The following ROR1 variants were observed in gnomAD, a reference collection of about 807,000 sequenced individuals.
The protein encoded by ROR1 is ROR family WNT receptor 1.
Under a neutral mutation model 78.8 loss-of-function variants are expected in ROR1, and 19 were observed. The observed-to-expected ratio is 0.24, with a 90% CI of 0.17 to 0.35. The LOEUF (loss-of-function observed/expected upper bound fraction) is 0.35, where lower values mean the gene tolerates loss of function less well. Ranked by LOEUF, ROR1 falls within the 10% of genes least tolerant of loss-of-function variation. ROR1 has a pLI of 1.00. For missense variants in ROR1, 917 were observed against 1,177.8 expected (o/e 0.78, Z 3.24); for synonymous variants, 386 against 433.6 (o/e 0.89, Z 1.36).
At chr1:63,932,862 G>A (rs1645765055) in intron 1 of ROR1, among the ~76,000 whole-genome samples, 1 of 152,152 alleles carries the variant, frequency 6.6e-6, no homozygotes, top group Admixed American at 6.5e-5. Flanking sequence ...CCTGGAGCTT[G>A]AAGACTGGAA....
At chr1:63,854,371 G>C (rs1374300074) in intron 1 of ROR1, among the ~76,000 whole-genome samples, 1 of 152,118 alleles carries the variant, frequency 6.6e-6, no homozygotes, top group African/African-American at 2.4e-5. Context: ...TGAAATCAAG[G>C]GAAAAACTGC....
chr1:64,099,718 A>ATGCTCATTT (rs1369846457), intron 4 of ROR1, among the ~76,000 whole-genome samples: 1 of 152,214 alleles, frequency 6.6e-6, no homozygotes, highest in Non-Finnish European at 1.5e-5. Flanking sequence ...CAAGTAACAC[A>ATGCTCATTT]TGCTCATTTT....
At chr1:64,102,232 A>G (rs1241774216) in intron 4 of ROR1, among the ~76,000 whole-genome samples, 1 of 152,200 alleles carries the variant, frequency 6.6e-6, no homozygotes. Flanking sequence ...CACAAGAAGG[A>G]GCGTGGAAAG....
In ROR1 at chr1:63,989,168, G is replaced by GT. The variant is rs1234720187; in HGVS notation, c.92-20122dup. Among the ~76,000 whole-genome samples the GT allele has an allele frequency of 1.1e-3, 163 of 142,484 alleles. 1 individual carries two copies. Among genetic ancestry groups the GT allele is most frequent in the African/African-American group, 3.5e-3 (129 of 36,932 alleles). 93.5% of individuals were successfully genotyped at this position (142,484 alleles called of 152,430 possible). A position where few individuals can be genotyped will look rare whatever the true frequency, so the allele number is the denominator to read the frequency against. ...CCAACACTTGTCATTTTCTGTTTTTGTTTTTTTTTTTTTTTAAACTCTTTA... is the reference window on the plus strand; with the variant it reads ...CCAACACTTGTCATTTTCTGTTTTTGTTTTTTTTTTTTTTTTAAACTCTTTA... On this transcript the variant is annotated intron_variant, in intron 1 of 8. Transcript: ENST00000371079.
At chr1:64,120,008 A>G (rs564408941) in intron 4 of ROR1, among the ~76,000 whole-genome samples, 12 of 152,294 alleles carry the variant, frequency 7.9e-5, no homozygotes, top group African/African-American at 2.9e-4. Flanking sequence ...AAATGTGTGT[A>G]TTGTGGCAGT....
At chr1:64,037,453 A>G (rs1646711542) in intron 2 of ROR1, among the ~76,000 whole-genome samples, 1 of 152,152 alleles carries the variant, frequency 6.6e-6, no homozygotes, top group South Asian at 2.1e-4. Flanking sequence ...TTTGCTAACT[A>G]TGGACTTTAG....
chr1:64,120,919 T>C (rs754678064), intron 4 of ROR1, among the ~76,000 whole-genome samples: 17 of 152,124 alleles, frequency 1.1e-4, no homozygotes, highest in Non-Finnish European at 1.9e-4. Context: ...GAAGGGTATC[T>C]CTGTTCCCAG....
intron 1 of ROR1, among the ~76,000 whole-genome samples, chr1:63,918,730 A>C (rs1316330075): frequency 6.6e-6 from 1 of 151,980 alleles, no homozygotes. Context: ...ACCGTTAGGG[A>C]GTTTGTGTAA....
chr1:63,815,156 A>AC (rs1644883065), intron 1 of ROR1, among the ~76,000 whole-genome samples: 1 of 152,048 alleles, frequency 6.6e-6, no homozygotes, highest in Admixed American at 6.5e-5. Flanking sequence ...AGGCTACCTG[A>AC]CCCTCCCTCA....
At chr1:64,009,441 T>A (rs779676696) in intron 2 of ROR1, 65 bp downstream of exon 2, 66 of 1,224,780 alleles carry the variant, frequency 5.4e-5, no homozygotes, top group Admixed American at 2.7e-4. Context: ...AATCCTGGCA[T>A]GACCTTCTTT....
chr1:64,018,240 G>A (rs139377938), intron 2 of ROR1, among the ~76,000 whole-genome samples: 176 of 152,232 alleles, frequency 1.2e-3, no homozygotes, highest in African/African-American at 4.2e-3. Flanking sequence ...CTAAAGGGAG[G>A]GGAAACGGAG....
intron 2 of ROR1, 84 bp from the exon 3 acceptor site, chr1:64,049,607 A>G: frequency 1.6e-6 from 2 of 1,222,420 alleles, no homozygotes; most frequent in Non-Finnish European, 2.3e-6. Context: ...TGTGATCCCA[A>G]GGGTACACTG....
intron 1 of ROR1, among the ~76,000 whole-genome samples, chr1:63,881,186 A>G (rs1645320697): frequency 1.3e-5 from 2 of 152,218 alleles, no homozygotes; most frequent in African/African-American, 2.4e-5. Flanking sequence ...GGCTATCTTT[A>G]TCAACACTAG....
chr1:64,109,746 T>C (rs1648004007), intron 4 of ROR1, among the ~76,000 whole-genome samples: 1 of 152,062 alleles, frequency 6.6e-6, no homozygotes, highest in African/African-American at 2.4e-5. Context: ...CCTAGACTGG[T>C]CTCAAACTCG....
chr1:63,826,100 T>G (rs1208670297), intron 1 of ROR1, among the ~76,000 whole-genome samples: 1 of 152,208 alleles, frequency 6.6e-6, no homozygotes, highest in African/African-American at 2.4e-5. Flanking sequence ...ATTTTTATTT[T>G]TTAGCTTTTA....
intron 4 of ROR1, among the ~76,000 whole-genome samples, chr1:64,118,038 A>C (rs1019969029): frequency 6.6e-6 from 1 of 151,912 alleles, no homozygotes; most frequent in African/African-American, 2.4e-5. Flanking sequence ...TTTTCTCTAC[A>C]GAAAAAACAC....
intron 6 of ROR1, 103 bp from the exon 7 acceptor site, chr1:64,142,302 A>C: frequency 6.6e-7 from 1 of 1,513,606 alleles, no homozygotes; most frequent in Non-Finnish European, 8.8e-7. Flanking sequence ...TGTGGCCACG[A>C]GGTTAATTAC....
intron 1 of ROR1, among the ~76,000 whole-genome samples, chr1:63,974,122 A>G (rs1646139513): frequency 6.6e-6 from 1 of 152,228 alleles, no homozygotes; most frequent in Non-Finnish European, 1.5e-5. Context: ...AATTCTGGTA[A>G]CAAACATTGT....
intron 4 of ROR1, among the ~76,000 whole-genome samples, chr1:64,099,831 T>G (rs1228123307): frequency 6.6e-6 from 1 of 151,626 alleles, no homozygotes; most frequent in Non-Finnish European, 1.5e-5. Context: ...CCGAGGCAGG[T>G]GGATCACAAG....
Sources: gnomAD v4.1 joint callset for allele counts (sites outside exome capture counted in the v4.1 genomes callset) on GRCh38, gnomAD v4.1.1 for gene constraint, MANE v1.5 for transcripts, NCBI Gene and HGNC (gene_info 2026-07-23, HGNC 2026-07-21) for gene names.